Variants in LIPK observed in about 807,000 individuals in gnomAD.
LIPK encodes lipase family member K, also known as lipase member K.
Under a neutral mutation model 48.6 loss-of-function variants are expected in LIPK, and 32 were observed. The ratio of observed to expected loss-of-function variants is 0.66; its 90% confidence interval spans 0.50 to 0.88. The LOEUF is 0.88. Ranked by LOEUF, LIPK falls within the 40% of genes least tolerant of loss-of-function variation. The pLI is 0.00. For synonymous variants in LIPK, 164 were observed against 157.4 expected (o/e 1.04, Z -0.32); for missense variants, 507 against 478.5 (o/e 1.06, Z -0.56).
intron 9 of LIPK, among the ~76,000 whole-genome samples, chr10:88,749,769 G>T (rs955042430): frequency 2.0e-5 from 3 of 151,982 alleles, no homozygotes; most frequent in Non-Finnish European, 1.5e-5. Context: ...TGATAAAGAT[G>T]CCAAAAGTAA....
Position 88,732,159 on chromosome 10 carries a change from T to C in LIPK, c.423-19T>C. 1.3e-6 allele frequency: 2 copies of C among 1,539,024 alleles called. No individual in the cohort carries two copies. The highest frequency in any genetic ancestry group is 2.2e-5 in the East Asian group (1 of 44,500). ...CAATGAGATGACTTTTCTAATTTGT[T>C]ATTCCTTCTTTTTGATAGTTTGGAT... is the stretch of plus-strand genomic sequence containing the variant. On this transcript the variant is annotated intron_variant, in intron 4 of 9. Coordinates refer to ENST00000404190, the MANE Select transcript of LIPK (RefSeq NM_001080518.2).
intron 3 of LIPK, chr10:88,728,128 A>G (rs1842381784): frequency 4.0e-6 from 1 of 251,344 alleles, no homozygotes; most frequent in African/African-American, 2.3e-5. Context: ...GTTAAAGCTT[A>G]CATGAACAAC....
rs1212208388 is a variant in LIPK, at chr10:88,726,815, G to A, written c.126G>A (p.Trp42Ter). ...TTTAGAGCCAGATTATTTCTTACTG[G>A]GGTTATCCTTATGAAGAGTATGATG... is the stretch of plus-strand genomic sequence containing the variant. ...NMNISQIISY[W>*]GYPYEEYDVT... The change falls in exon 3 of 10, where the codon TGG becomes TGA. Residue 42 changes from tryptophan (W) to a stop codon, truncating the protein, a stop_gained. Transcript: ENST00000404190. LOFTEE classifies it high-confidence loss of function. The A allele has an allele frequency of 1.9e-6, 3 of 1,584,924 alleles. No individual in the cohort carries two copies. In the African/African-American group the frequency reaches 4.0e-5, roughly 21 times the overall value.
chr10:88,742,663 A>T (rs991066756), intron 8 of LIPK, among the ~76,000 whole-genome samples: 11 of 152,234 alleles, frequency 7.2e-5, no homozygotes, highest in African/African-American at 2.7e-4. Context: ...CATTATGCAC[A>T]TCACAGCAGG....
intron 1 of LIPK, among the ~76,000 whole-genome samples, chr10:88,717,853 C>G (rs1366644436): frequency 6.6e-6 from 1 of 151,924 alleles, no homozygotes; most frequent in African/African-American, 2.4e-5. Context: ...AAACATCACT[C>G]AGGTTGCCTA....
intron 3 of LIPK, among the ~76,000 whole-genome samples, chr10:88,729,260 G>GT (rs1842416440): frequency 1.5e-5 from 2 of 135,992 alleles, no homozygotes; most frequent in Non-Finnish European, 3.3e-5. Context: ...GTTGGGGGGG[G>GT]GGGGCGGGGG....
At chr10:88,748,616 CAAAA>C (rs56692405) in intron 9 of LIPK, among the ~76,000 whole-genome samples, 34,536 of 106,452 alleles carry the variant, frequency 0.32, 4,171 homozygotes, top group East Asian at 0.44. Context: ...GACTCCGTCT[CAAAA>C]AAAAAAAAAA....
chr10:88,744,823 A>G (rs1363478407), intron 9 of LIPK, among the ~76,000 whole-genome samples: 1 of 152,238 alleles, frequency 6.6e-6, no homozygotes, highest in Non-Finnish European at 1.5e-5. Context: ...CTGGACGGCA[A>G]CAGAGATCAT....
chr10:88,732,238 T>C lies in LIPK; in HGVS notation c.483T>C (p.Thr161=), dbSNP rs201658062. Residue 161 remains threonine, a synonymous_variant, in exon 5 of 10, where the codon ACT becomes ACC. Coordinates refer to ENST00000404190, the MANE Select transcript of LIPK (RefSeq NM_001080518.2). Reference sequence around the variant, plus strand: ...CAATCAATTTTATCATAGAGAAAACTGGACAGAAGCGACTCTACTACGTGG... The same window carrying C: ...CAATCAATTTTATCATAGAGAAAACCGGACAGAAGCGACTCTACTACGTGG... The part of the protein sequence containing the change: ...PATINFIIEK[T]GQKRLYYVGH... 203 of 1,613,828 alleles carry C rather than the reference T, an allele frequency of 1.3e-4. 1 individual carries two copies. The East Asian group carries it at 4.4e-3, about 35-fold the overall frequency.
intron 1 of LIPK, among the ~76,000 whole-genome samples, chr10:88,722,249 C>G (rs1049629267): frequency 6.6e-6 from 1 of 152,022 alleles, no homozygotes; most frequent in African/African-American, 2.4e-5. Context: ...GAGCCGGGGT[C>G]GCACCATTAT....
At chr10:88,752,091 C>G (rs776117149) in intron 9 of LIPK, among the ~76,000 whole-genome samples, 4 of 152,156 alleles carry the variant, frequency 2.6e-5, no homozygotes, top group Non-Finnish European at 4.4e-5. Context: ...GGTCTCAATG[C>G]TCCCTGAAGA....
At chr10:88,723,389 A>T (rs1281124982) in intron 1 of LIPK, among the ~76,000 whole-genome samples, 1 of 152,170 alleles carries the variant, frequency 6.6e-6, no homozygotes. Flanking sequence ...GTATTAATTT[A>T]TATGTCAATA....
chr10:88,709,227 TTGAACTCTTTA>T (rs568198322), intron 1 of LIPK, among the ~76,000 whole-genome samples: 82 of 152,324 alleles, frequency 5.4e-4, no homozygotes, highest in African/African-American at 1.9e-3. Context: ...CCACAATTTT[TTGAACTCTTTA>T]TGAAGCTCTG....
At chr10:88,719,066 C>T (rs1024550325) in intron 1 of LIPK, among the ~76,000 whole-genome samples, 5 of 151,974 alleles carry the variant, frequency 3.3e-5, no homozygotes, top group South Asian at 2.1e-4. Context: ...TGGTTCTTGT[C>T]CTTAAGAAGC....
chr10:88,744,322 A>G (rs1325032117), intron 9 of LIPK, among the ~76,000 whole-genome samples: 1 of 152,192 alleles, frequency 6.6e-6, no homozygotes, highest in Non-Finnish European at 1.5e-5. Context: ...GCCTCCCCTG[A>G]CTGCTTTGCA....
chr10:88,719,979 G>A (rs1769682), intron 1 of LIPK, among the ~76,000 whole-genome samples: 119,305 of 152,160 alleles, frequency 0.78, 47,739 homozygotes, highest in East Asian at 1. Flanking sequence ...TGTAAACCCA[G>A]TATAAAATCA....
intron 8 of LIPK, among the ~76,000 whole-genome samples, chr10:88,741,660 C>A (rs1712035215): frequency 6.6e-6 from 1 of 152,104 alleles, no homozygotes; most frequent in Admixed American, 6.5e-5. Context: ...GTTACATAGG[C>A]AGCTAAGGCA....
At chr10:88,715,332 G>C (rs185849742) in intron 1 of LIPK, among the ~76,000 whole-genome samples, 51 of 152,088 alleles carry the variant, frequency 3.4e-4, no homozygotes, top group African/African-American at 1.1e-3. Flanking sequence ...TACATATTTA[G>C]GGTTGTTTTA....
Position 88,713,667 on chromosome 10 carries a change from G to C in LIPK, c.-12+7347G>C, listed in dbSNP as rs900564698. ...ATGTAAAAATAAATTTAGGCTGGGC[G>C]TGGTGGCTCACACCTGTAATCCCAG... On this transcript the variant is annotated intron_variant, in intron 1 of 9. Transcript: ENST00000404190. 5.9e-5 allele frequency among the ~76,000 whole-genome samples: 9 copies of C among 152,212 alleles called. No homozygotes were observed. In the South Asian group the frequency reaches 1.9e-3, roughly 32 times the overall value.
Sources: gnomAD v4.1 joint callset for allele counts (sites outside exome capture counted in the v4.1 genomes callset) on GRCh38, gnomAD v4.1.1 for gene constraint, MANE v1.5 for transcripts, NCBI Gene and HGNC (gene_info 2026-07-23, HGNC 2026-07-21) for gene names.